The following CA10 variants were observed in gnomAD, a reference collection of about 807,000 sequenced individuals.
The protein encoded by CA10 is carbonic anhydrase 10 (inactive), also known as carbonic anhydrase-related protein 10.
Under a neutral mutation model 44.2 loss-of-function variants are expected in CA10, and 14 were observed. The ratio of observed to expected loss-of-function variants is 0.32; its 90% confidence interval spans 0.21 to 0.50. The LOEUF (loss-of-function observed/expected upper bound fraction) is 0.50, where lower values mean the gene tolerates loss of function less well. Among genes scored for constraint, CA10 ranks in the 20% least tolerant of loss-of-function variants. The pLI is 0.99. For synonymous variants in CA10, 159 were observed against 141.6 expected (o/e 1.12, Z -0.87); for missense variants, 350 against 409.7 (o/e 0.85, Z 1.26).
chr17:52,081,742 G>A (rs1987985809), intron 1 of CA10, among the ~76,000 whole-genome samples: 1 of 147,064 alleles, frequency 6.8e-6, no homozygotes, highest in Non-Finnish European at 1.5e-5. Context: ...GGAGCTTGCA[G>A]TGAGCCGAGA....
chr17:51,903,433 C>T (rs1448802434), intron 3 of CA10, among the ~76,000 whole-genome samples: 1 of 152,114 alleles, frequency 6.6e-6, no homozygotes, highest in African/African-American at 2.4e-5. Context: ...GGTAATCTTC[C>T]TGTTCTCAGT....
intron 4 of CA10, among the ~76,000 whole-genome samples, chr17:51,668,482 T>G (rs568303023): frequency 9.3e-4 from 141 of 152,204 alleles, no homozygotes; most frequent in Non-Finnish European, 1.7e-3. Flanking sequence ...CCAAAGTCAC[T>G]CGGTTGTTTA....
At chr17:51,995,033 T>G (rs1179123949) in intron 2 of CA10, among the ~76,000 whole-genome samples, 1 of 152,064 alleles carries the variant, frequency 6.6e-6, no homozygotes, top group African/African-American at 2.4e-5. Context: ...TCCTATAGTT[T>G]ACTACAAAAG....
At chr17:52,054,058 C>G (rs530650681) in intron 2 of CA10, among the ~76,000 whole-genome samples, 2 of 152,222 alleles carry the variant, frequency 1.3e-5, no homozygotes, top group South Asian at 2.1e-4. Context: ...GAAAAAAGAA[C>G]AGGATAACAG....
chr17:51,649,850 G>A (rs1913487203), intron 5 of CA10, among the ~76,000 whole-genome samples: 1 of 144,026 alleles, frequency 6.9e-6, no homozygotes, highest in South Asian at 2.2e-4. Flanking sequence ...GACATAAAGA[G>A]TACCCAGAAT....
At chr17:51,798,560 C>A (rs887459458) in intron 3 of CA10, among the ~76,000 whole-genome samples, 4 of 152,162 alleles carry the variant, frequency 2.6e-5, no homozygotes, top group Non-Finnish European at 5.9e-5. Context: ...TTTGGCACAT[C>A]TAACTGTGCC....
intron 3 of CA10, among the ~76,000 whole-genome samples, chr17:51,872,409 G>A (rs1292315093): frequency 1.3e-5 from 2 of 152,150 alleles, no homozygotes; most frequent in African/African-American, 4.8e-5. Flanking sequence ...AAGTTCAAGA[G>A]TAGCACCCCA....
intron 4 of CA10, among the ~76,000 whole-genome samples, chr17:51,723,653 G>A (rs1389550423): frequency 6.6e-6 from 1 of 152,176 alleles, no homozygotes; most frequent in Non-Finnish European, 1.5e-5. Context: ...TGGGGAAAAA[G>A]CAGAATTAGA....
At chr17:51,784,868 T>C (rs1906202308) in intron 3 of CA10, among the ~76,000 whole-genome samples, 1 of 152,228 alleles carries the variant, frequency 6.6e-6, no homozygotes, top group Non-Finnish European at 1.5e-5. Flanking sequence ...CTAGGTCTTA[T>C]TCTTTCATTC....
chr17:52,056,246 G>A (rs944020727), intron 2 of CA10, among the ~76,000 whole-genome samples: 2 of 152,226 alleles, frequency 1.3e-5, no homozygotes, highest in Non-Finnish European at 2.9e-5. Context: ...AAGGCGACAA[G>A]GGCATTTGGC....
intron 1 of CA10, among the ~76,000 whole-genome samples, chr17:52,117,398 T>C (rs987777568): frequency 4.8e-4 from 73 of 152,358 alleles, no homozygotes; most frequent in African/African-American, 1.7e-3. Context: ...GGAAACAGCA[T>C]GCTCTTAAAG....
chr17:51,905,392 T>G (rs918297501), intron 3 of CA10, among the ~76,000 whole-genome samples: 1 of 152,144 alleles, frequency 6.6e-6, no homozygotes, highest in Non-Finnish European at 1.5e-5. Flanking sequence ...GACTGTTGGT[T>G]AAGTTGGGCA....
intron 4 of CA10, among the ~76,000 whole-genome samples, chr17:51,683,457 G>A (rs1277868602): frequency 6.6e-6 from 1 of 152,140 alleles, no homozygotes; most frequent in Non-Finnish European, 1.5e-5. Context: ...TCCATTGTGT[G>A]GACCAAATGA....
chr17:51,641,433 C>A (rs1039128263), intron 6 of CA10, among the ~76,000 whole-genome samples: 1 of 152,110 alleles, frequency 6.6e-6, no homozygotes, highest in African/African-American at 2.4e-5. Flanking sequence ...GCTTGTTAGC[C>A]AAATTTATCT....
chr17:51,696,842 T>C (rs969453993), intron 4 of CA10, among the ~76,000 whole-genome samples: 11 of 152,140 alleles, frequency 7.2e-5, no homozygotes, highest in Non-Finnish European at 1.2e-4. Context: ...CACAAAAGCA[T>C]AGGCAGCAAA....
chr17:52,048,675 A>G (rs1986980524), intron 2 of CA10, among the ~76,000 whole-genome samples: 1 of 151,946 alleles, frequency 6.6e-6, no homozygotes, highest in Non-Finnish European at 1.5e-5. Context: ...AATAATCTGA[A>G]TATGCTGAGA....
chr17:52,069,346 G>T (rs1987619154), intron 2 of CA10, among the ~76,000 whole-genome samples: 1 of 152,140 alleles, frequency 6.6e-6, no homozygotes, highest in South Asian at 2.1e-4. Context: ...TCTGGGGCTG[G>T]TAAGGGGCTC....
intron 6 of CA10, 49 bp downstream of exon 6, chr17:51,649,133 T>C (rs888631211): frequency 1.4e-6 from 2 of 1,405,546 alleles, no homozygotes; most frequent in Non-Finnish European, 2.0e-6. Flanking sequence ...TTCAGGCAGG[T>C]CTAACCTTTA....
intron 3 of CA10, among the ~76,000 whole-genome samples, chr17:51,918,069 G>A (rs1173681531): frequency 1.3e-5 from 2 of 152,198 alleles, no homozygotes; most frequent in Admixed American, 1.3e-4. Context: ...ATAATTTTGT[G>A]AAACTCTTAT....
Sources: gnomAD v4.1 joint callset for allele counts (sites outside exome capture counted in the v4.1 genomes callset) on GRCh38, gnomAD v4.1.1 for gene constraint, MANE v1.5 for transcripts, NCBI Gene and HGNC (gene_info 2026-07-23, HGNC 2026-07-21) for gene names.